ARFGEF3: variants seen among roughly 807,000 people sequenced by gnomAD.
ARFGEF3 encodes the protein brefeldin A-inhibited guanine nucleotide-exchange protein 3.
ARFGEF3 carries 96 observed loss-of-function variants against 221.7 expected under a neutral mutation model. The observed-to-expected ratio is 0.43, with a 90% CI of 0.37 to 0.51. ARFGEF3 has a LOEUF of 0.51. Ranked by LOEUF, ARFGEF3 falls within the 20% of genes least tolerant of loss-of-function variation. The probability of loss-of-function intolerance (pLI) is 0.00; values close to 1 mark genes in which losing one functional copy is unlikely to be tolerated. For synonymous variants in ARFGEF3, 1,145 were observed against 1,126.8 expected (o/e 1.02, Z -0.32); for missense variants, 2,410 against 2,789.9 (o/e 0.86, Z 3.07).
Position 138,298,746 on chromosome 6 carries a change from T to A in ARFGEF3, c.3789T>A (p.Ile1263=). Residue 1263 remains isoleucine, a synonymous_variant, in exon 22 of 34, where the codon ATT becomes ATA. Coordinates refer to ENST00000251691, the MANE Select transcript of ARFGEF3 (RefSeq NM_020340.5). ...NEALFRPFER[I]MQLELCDEDV... ...CACTCTTCCGACCTTTCGAGCGCAT[T>A]ATGCAGCTGGAATTGTGTGATGAGG... 6.2e-7 allele frequency: 1 copy of A among 1,613,444 alleles called. No individual in the cohort carries two copies.
At position 138,238,069 on chromosome 6, in the gene ARFGEF3, C is replaced by A. The variant is rs1051317553; in HGVS notation, c.421-440C>A. Among the ~76,000 whole-genome samples, 7 of 152,300 alleles carry A rather than the reference C, an allele frequency of 4.6e-5. No homozygotes were observed. The East Asian group carries it at 1.4e-3, about 29-fold the overall frequency. On this transcript the variant is annotated intron_variant, in intron 5 of 33. Transcript: ENST00000251691. ...CAGAAGAACACAGCTAGAGGGTTGA[C>A]CCAAGGTCAAACTCATTCATAGAGC...
intron 14 of ARFGEF3, among the ~76,000 whole-genome samples, chr6:138,285,217 A>G (rs1020967827): frequency 3.9e-5 from 6 of 152,008 alleles, no homozygotes; most frequent in African/African-American, 1.4e-4. Context: ...TAATCCCAGC[A>G]CTTTGGGAGG....
intron 3 of ARFGEF3, among the ~76,000 whole-genome samples, chr6:138,208,116 G>T (rs1777656497): frequency 6.6e-6 from 1 of 152,000 alleles, no homozygotes; most frequent in South Asian, 2.1e-4. Flanking sequence ...CTCTAATGTT[G>T]TGTAGATTTT....
chr6:138,318,036 T>G (rs1779957405), intron 27 of ARFGEF3, among the ~76,000 whole-genome samples: 1 of 152,216 alleles, frequency 6.6e-6, no homozygotes, highest in African/African-American at 2.4e-5. Flanking sequence ...TTAAGTATTT[T>G]ACTAACAATC....
Position 138,278,428 on chromosome 6 carries a change from A to C in ARFGEF3, c.2129-23A>C, listed in dbSNP as rs765145415. Reference sequence around the variant, plus strand: ...CAAGCACACTGTTCACACCCCCAAAAGTCCCTTCATTGTCTCCCTTAGGCA... The same window carrying C: ...CAAGCACACTGTTCACACCCCCAAACGTCCCTTCATTGTCTCCCTTAGGCA... On this transcript the variant is annotated intron_variant, in intron 12 of 33. Transcript: ENST00000251691. The C allele has an allele frequency of 4.3e-6, 7 of 1,610,788 alleles. No individual in the cohort carries two copies. In the African/African-American group the frequency reaches 9.3e-5, roughly 22 times the overall value.
chr6:138,300,994 C>T (rs6570219), intron 22 of ARFGEF3, among the ~76,000 whole-genome samples: 31,750 of 152,076 alleles, frequency 0.21, 3,669 homozygotes, highest in East Asian at 0.45. Context: ...TAACCAGGCT[C>T]ATTAGGAAAT....
At chr6:138,212,709 A>G (rs553529257) in intron 4 of ARFGEF3, among the ~76,000 whole-genome samples, 12 of 152,358 alleles carry the variant, frequency 7.9e-5, no homozygotes, top group Middle Eastern at 3.4e-3. Flanking sequence ...AAAAAGGATG[A>G]GTTCATGTCC....
rs182410753 is a variant in ARFGEF3 at position 138,266,091 on chromosome 6, T to C, written c.2128+2480T>C. 1.4e-4 allele frequency among the ~76,000 whole-genome samples: 21 copies of C among 152,124 alleles called. No homozygotes were observed. The East Asian group carries it at 3.9e-3, about 28-fold the overall frequency. ...ATTAGCCAAGCATGGTAGTGCACCT[T>C]TGTCCCAGCCACTTGGGAGGCTGAG... On this transcript the variant is annotated intron_variant, in intron 12 of 33. Coordinates refer to ENST00000251691, the MANE Select transcript of ARFGEF3 (RefSeq NM_020340.5).
intron 31 of ARFGEF3, among the ~76,000 whole-genome samples, chr6:138,325,948 C>G (rs1002906236): frequency 6.6e-6 from 1 of 151,586 alleles, no homozygotes; most frequent in Non-Finnish European, 1.5e-5. Context: ...ACCTCTACCT[C>G]CAGGTTCAAG....
chr6:138,214,785 G>C (rs1777803832), intron 4 of ARFGEF3, among the ~76,000 whole-genome samples: 2 of 152,006 alleles, frequency 1.3e-5, no homozygotes, highest in Non-Finnish European at 2.9e-5. Context: ...TTCAATCAGA[G>C]GGTTAAAAAA....
intron 2 of ARFGEF3, among the ~76,000 whole-genome samples, chr6:138,196,882 G>A (rs932447752): frequency 6.6e-6 from 1 of 152,044 alleles, no homozygotes; most frequent in Non-Finnish European, 1.5e-5. Flanking sequence ...GGCCCAGGCT[G>A]GAGTGCAGTG....
intron 14 of ARFGEF3, among the ~76,000 whole-genome samples, chr6:138,283,807 A>G (rs1322433046): frequency 2.6e-5 from 4 of 152,244 alleles, no homozygotes; most frequent in Admixed American, 2.6e-4. Flanking sequence ...TCATTAGGCC[A>G]TTTGACCAGA....
At chr6:138,305,404 C>A (rs181850566) in intron 22 of ARFGEF3, among the ~76,000 whole-genome samples, 54 of 151,812 alleles carry the variant, frequency 3.6e-4, no homozygotes, top group Non-Finnish European at 4.3e-4. Context: ...AGTTCGAGAC[C>A]ATGCCAGGCA....
chr6:138,191,813 T>C (rs1376501491), intron 2 of ARFGEF3, among the ~76,000 whole-genome samples: 1 of 152,180 alleles, frequency 6.6e-6, no homozygotes, highest in Non-Finnish European at 1.5e-5. Context: ...TTCTTTTTCC[T>C]TTTTTCCATT....
chr6:138,206,199 G>A (rs893268098), intron 2 of ARFGEF3, among the ~76,000 whole-genome samples: 2 of 152,190 alleles, frequency 1.3e-5, no homozygotes, highest in Non-Finnish European at 2.9e-5. Context: ...ATAATGGGTT[G>A]ATTAAAATTC....
chr6:138,261,392 C>A (rs551677136), intron 10 of ARFGEF3, 135 bp from the exon 11 acceptor site: 3 of 511,940 alleles, frequency 5.9e-6, no homozygotes, highest in South Asian at 4.2e-5. Flanking sequence ...ATTGGAAGTT[C>A]CAAATAATTC....
chr6:138,175,440 C>T (rs1776921101), intron 2 of ARFGEF3, among the ~76,000 whole-genome samples: 1 of 152,150 alleles, frequency 6.6e-6, no homozygotes, highest in Non-Finnish European at 1.5e-5. Context: ...TTGAATAAAT[C>T]TATGAATTAG....
chr6:138,266,953 C>G (rs1213262874), intron 12 of ARFGEF3, among the ~76,000 whole-genome samples: 1 of 151,710 alleles, frequency 6.6e-6, no homozygotes, highest in Non-Finnish European at 1.5e-5. Flanking sequence ...CTTTGAGTCT[C>G]TGCCTCTTCC....
At position 138,336,375 on chromosome 6, in the gene ARFGEF3, A is replaced by G. The variant is rs1395882881; in HGVS notation, c.6423A>G (p.Ala2141=). The stretch of plus-strand genomic sequence containing the variant: ...AGACCTTCACGGCCCTCCAGCCCGC[A>G]GTGTTCCCGTGCATCAGTCAGCTGA... ...PDQTFTALQP[A]VFPCISQLTC... is the part of the protein sequence containing the mutation. The change falls in exon 34 of 34, where the codon GCA becomes GCG. Residue 2141 remains alanine (A), a synonymous_variant. Coordinates refer to ENST00000251691, the MANE Select transcript of ARFGEF3 (RefSeq NM_020340.5). 1 of 1,613,096 alleles carries G rather than the reference A, an allele frequency of 6.2e-7. No individual in the cohort carries two copies. The highest frequency in any genetic ancestry group is 1.1e-5 in the South Asian group (1 of 90,788).
Sources: allele counts gnomAD v4.1 joint callset (sites outside exome capture counted in the v4.1 genomes callset), GRCh38; gene constraint gnomAD v4.1.1; transcripts MANE v1.5; gene names NCBI Gene and HGNC (gene_info 2026-07-23, HGNC 2026-07-21).